Variants in TMEM143 observed in about 807,000 individuals in gnomAD.
The protein encoded by TMEM143 is transmembrane protein 143.
A neutral mutation model predicts 40.3 loss-of-function variants in TMEM143; 45 were observed. The observed-to-expected ratio is 1.12, with a 90% CI of 0.88 to 1.43. TMEM143 has a LOEUF of 1.43. Ranked by LOEUF, TMEM143 falls within the 40% of genes most tolerant of loss-of-function variation. The pLI, the probability that TMEM143 is intolerant of heterozygous loss-of-function variation, is 0.00. For synonymous variants in TMEM143, 299 were observed against 282.7 expected (o/e 1.06, Z -0.58); for missense variants, 620 against 613.4 (o/e 1.01, Z -0.11).
rs547641959 is a variant in TMEM143, at chr19:48,344,862, A to G, written c.564+298T>C. 1.0e-3 allele frequency among the ~76,000 whole-genome samples: 159 copies of G among 152,232 alleles called. 2 individuals carry two copies. Among genetic ancestry groups the G allele is most frequent in the African/African-American group, 3.6e-3 (149 of 41,544 alleles). On this transcript the variant is annotated intron_variant, in intron 4 of 7. Coordinates refer to ENST00000293261, the MANE Select transcript of TMEM143 (RefSeq NM_018273.4). ...GCTGGGATTACAGGCACCTGCCACCATGCCTGGATAATTTTTTATATTTTT... is the reference window on the plus strand; with the variant it reads ...GCTGGGATTACAGGCACCTGCCACCGTGCCTGGATAATTTTTTATATTTTT...
chr19:48,360,731 C>T (rs1017872068), intron 2 of TMEM143, among the ~76,000 whole-genome samples: 1 of 152,050 alleles, frequency 6.6e-6, no homozygotes, highest in African/African-American at 2.4e-5. Context: ...TACACACACA[C>T]ACAATTCCAG....
At chr19:48,338,604 G>A (rs577123899) in intron 6 of TMEM143, among the ~76,000 whole-genome samples, 2 of 152,192 alleles carry the variant, frequency 1.3e-5, no homozygotes, top group Non-Finnish European at 2.9e-5. Context: ...TCTCGCGGAC[G>A]AGCAGATGCA....
intron 3 of TMEM143, among the ~76,000 whole-genome samples, chr19:48,346,259 T>A (rs1244164596): frequency 6.6e-6 from 1 of 151,844 alleles, no homozygotes; most frequent in East Asian, 1.9e-4. Context: ...ATTCAGCTAA[T>A]TTTTATATTT....
chr19:48,341,196 G>A (rs1791355032), intron 6 of TMEM143, among the ~76,000 whole-genome samples: 1 of 152,216 alleles, frequency 6.6e-6, no homozygotes, highest in Non-Finnish European at 1.5e-5. Context: ...GGAAGAATCA[G>A]TAAAAGGCAG....
intron 6 of TMEM143, 120 bp downstream of exon 6, chr19:48,342,406 AAGGG>A (rs74189410): frequency 2.1e-5 from 25 of 1,165,680 alleles, no homozygotes; most frequent in Middle Eastern, 5.9e-4. Flanking sequence ...GGAAGGAAGG[AAGGG>A]AGGGAGGGAG....
Position 48,363,481 on chromosome 19 carries a change from C to T in TMEM143, c.74G>A (p.Gly25Glu). 6.2e-6 allele frequency: 10 copies of T among 1,613,880 alleles called. No individual in the cohort carries two copies. Among genetic ancestry groups the T allele is most frequent in the Non-Finnish European group, 8.5e-6 (10 of 1,179,962 alleles). The change falls in exon 2 of 8, where the codon GGG becomes GAG. Residue 25 changes from glycine to glutamate, a missense_variant. Gly to Glu is a moderately conservative substitution (Grantham distance 98). Transcript: ENST00000293261. The part of the protein sequence containing the change: ...AMLHVTRGVW[G>E]SRVRVWPLLP... ...CAGTGGCCATACTCGGACCCTGGAC[C>T]CCCAGACCCCCCGGGTCACATGCAG...
In TMEM143 at chr19:48,333,276, T is replaced by C. The variant is rs1347801316; in HGVS notation, c.1323A>G (p.Pro441=). ...GGGGCTCGGAAGTGATCGGAGCCAC[T>C]GGGTCTAGTTTGGGGAAACCCGGGG... is the stretch of plus-strand genomic sequence containing the variant. ...YPPPGFPKLD[P]VAPITSEPPQ... The change falls in exon 8 of 8, where the codon CCA becomes CCG. Residue 441 remains proline, a synonymous_variant. Coordinates refer to ENST00000293261, the MANE Select transcript of TMEM143 (RefSeq NM_018273.4). This position sits in a 1 kb window ranked among gnomAD's most constrained non-coding sequence, Gnocchi z 4.1. 1.9e-6 allele frequency: 3 copies of C among 1,551,982 alleles called. No homozygotes were observed. Among genetic ancestry groups the C allele is most frequent in the East Asian group, 2.3e-5 (1 of 43,336 alleles).
intron 3 of TMEM143, among the ~76,000 whole-genome samples, chr19:48,356,374 C>G (rs1366157984): frequency 6.6e-6 from 1 of 151,340 alleles, no homozygotes; most frequent in Non-Finnish European, 1.5e-5. Flanking sequence ...GATCTGCCAG[C>G]CTTGGCCTCC....
At chr19:48,342,395 GGGAA>G (rs200209362) in intron 6 of TMEM143, 131 bp downstream of exon 6, 7 of 899,230 alleles carry the variant, frequency 7.8e-6, no homozygotes, top group South Asian at 7.7e-5. Flanking sequence ...GAGGAAGAAT[GGGAA>G]GGAAGGAAGG....
In TMEM143 at chr19:48,360,061, C is replaced by A. The variant is rs12610584; in HGVS notation, c.369+11G>T. On this transcript the variant is annotated intron_variant, in intron 3 of 7. Coordinates refer to ENST00000293261, the MANE Select transcript of TMEM143 (RefSeq NM_018273.4). ...ACAAGCACCACAGGGCTGGAAGGGCCCCGTCCTCACCTGCAGCCGGGCCAG... is the reference window on the plus strand; with the variant it reads ...ACAAGCACCACAGGGCTGGAAGGGCACCGTCCTCACCTGCAGCCGGGCCAG... 3 of 1,613,308 alleles carry A rather than the reference C, an allele frequency of 1.9e-6. No individual in the cohort carries two copies. The highest frequency in any genetic ancestry group is 2.5e-6 in the Non-Finnish European group (3 of 1,179,720).
intron 3 of TMEM143, among the ~76,000 whole-genome samples, chr19:48,347,938 T>C (rs1423500532): frequency 6.7e-6 from 1 of 148,730 alleles, no homozygotes; most frequent in African/African-American, 2.5e-5. Context: ...GGAGGATAAC[T>C]TGAGCCCAGG....
intron 3 of TMEM143, among the ~76,000 whole-genome samples, chr19:48,352,262 A>AAAAAAAAAAAAAACAAAAAAAAAAAAAAC (rs74518287): frequency 4.1e-5 from 6 of 145,056 alleles, no homozygotes; most frequent in African/African-American, 1.5e-4. Context: ...AAAAAAAAAA[A>AAAAAAAAAAAAAACAAAAAAAAAAAAAAC]CACCATATCT....
At chr19:48,338,434 C>T (rs1267214501) in intron 6 of TMEM143, among the ~76,000 whole-genome samples, 2 of 152,230 alleles carry the variant, frequency 1.3e-5, no homozygotes, top group Non-Finnish European at 2.9e-5. Flanking sequence ...TCACCTCCTG[C>T]TCCTCCCCTG....
rs192907864 is a variant in TMEM143, at chr19:48,344,027, C to T, written c.565-576G>A. ...TCAGCCTCCCAAGTAGCTGGGACTA[C>T]AGGCACCCGCCACCATGCCTGGCTA... On this transcript the variant is annotated intron_variant, in intron 4 of 7. Transcript: ENST00000293261. 1.2e-3 allele frequency among the ~76,000 whole-genome samples: 183 copies of T among 152,096 alleles called. 1 individual carries two copies. Among genetic ancestry groups the T allele is most frequent in the Non-Finnish European group, 2.3e-3 (155 of 67,984 alleles).
chr19:48,356,508 G>T lies in TMEM143; in HGVS notation c.369+3564C>A, dbSNP rs1969901719. 2.0e-5 allele frequency among the ~76,000 whole-genome samples: 3 copies of T among 146,510 alleles called. No individual in the cohort carries two copies. In the South Asian group the frequency reaches 6.4e-4, roughly 31 times the overall value. ...TGCAGTGGCAAAATCTCAGCTCACT[G>T]CAACCTCCGCCTCCTGGGTTCAAGC... is the stretch of plus-strand genomic sequence containing the variant. On this transcript the variant is annotated intron_variant, in intron 3 of 7. Transcript: ENST00000293261.
chr19:48,352,400 C>T (rs1307068167), intron 3 of TMEM143, among the ~76,000 whole-genome samples: 1 of 151,192 alleles, frequency 6.6e-6, no homozygotes, highest in Non-Finnish European at 1.5e-5. Flanking sequence ...ACCTCCCAGG[C>T]TCAAGCGATC....
intron 3 of TMEM143, among the ~76,000 whole-genome samples, chr19:48,356,893 C>T (rs868415629): frequency 0.015 from 758 of 50,446 alleles, 17 homozygotes; most frequent in African/African-American, 0.057. Flanking sequence ...AGCACCTGGC[C>T]TTTTTTTTTT....
Position 48,333,881 on chromosome 19 carries a change from G to A in TMEM143, c.1165+127C>T. ...TGGATTCGGAGGTCCTGTCTGCTGA[G>A]GGCCGGGGTCTCTTCGCAAACCCGT... On this transcript the variant is annotated intron_variant, in intron 7 of 7. Coordinates refer to ENST00000293261, the MANE Select transcript of TMEM143 (RefSeq NM_018273.4). The surrounding 1 kb of genome is among the most constrained non-coding windows in gnomAD (Gnocchi z 4.1). The A allele has an allele frequency of 2.9e-6, 3 of 1,024,254 alleles. No individual in the cohort carries two copies. Among genetic ancestry groups the A allele is most frequent in the Non-Finnish European group, 2.8e-6 (2 of 725,948 alleles). The allele number at this position is 1,024,254 out of a possible 1,614,324, so 63.4% of individuals were successfully genotyped here.
chr19:48,336,192 G>A (rs563759379), intron 6 of TMEM143, among the ~76,000 whole-genome samples: 79 of 152,150 alleles, frequency 5.2e-4, no homozygotes, highest in African/African-American at 1.7e-3. Context: ...GACCAACCTG[G>A]GCAACATGGT....
Sources: gnomAD v4.1 joint callset for allele counts (sites outside exome capture counted in the v4.1 genomes callset) on GRCh38, gnomAD v4.1.1 for gene constraint, Gnocchi (gnomAD v3.1) non-coding constraint, MANE v1.5 for transcripts, NCBI Gene and HGNC (gene_info 2026-07-23, HGNC 2026-07-21) for gene names.